The following SYT1 variants were observed in gnomAD, a reference collection of about 807,000 sequenced individuals.
The protein encoded by SYT1 is synaptotagmin-1.
In SYT1, 8 loss-of-function variants were observed where a neutral mutation model predicts 44.8. That is an observed-to-expected ratio of 0.18 (90% confidence interval 0.10 to 0.32). The LOEUF is 0.32. SYT1 is among the 10% of genes least tolerant of loss of function. SYT1 has a pLI of 1.00. For synonymous variants in SYT1, 154 were observed against 188.8 expected, an observed-to-expected ratio of 0.82 and a Z score of 1.51; for missense variants, 286 against 509.3, an observed-to-expected ratio of 0.56 and a Z score of 4.22.
intron 1 of SYT1, among the ~76,000 whole-genome samples, chr12:78,899,537 G>A (rs1219045201): frequency 2.0e-5 from 3 of 151,896 alleles, no homozygotes; most frequent in Non-Finnish European, 2.9e-5. Flanking sequence ...AAGTGTGGGT[G>A]GAGAGAAATA....
chr12:79,193,750 A>T (rs1298092421), intron 3 of SYT1, among the ~76,000 whole-genome samples: 1 of 152,152 alleles, frequency 6.6e-6, no homozygotes, highest in Non-Finnish European at 1.5e-5. Flanking sequence ...AGCATGGCCA[A>T]AATATCTTTT....
chr12:79,051,891 T>G (rs1021835637), intron 3 of SYT1, among the ~76,000 whole-genome samples: 9 of 152,026 alleles, frequency 5.9e-5, no homozygotes, highest in Non-Finnish European at 1.0e-4. Context: ...GTCTATATCT[T>G]TGTTTTGGTA....
At chr12:79,037,592 G>A (rs904395057) in intron 2 of SYT1, among the ~76,000 whole-genome samples, 1 of 151,396 alleles carries the variant, frequency 6.6e-6, no homozygotes, top group Non-Finnish European at 1.5e-5. Context: ...CCTCTTACAT[G>A]GTTGTCAATG....
intron 3 of SYT1, among the ~76,000 whole-genome samples, chr12:79,170,884 G>T (rs1437472479): frequency 6.6e-6 from 1 of 151,536 alleles, no homozygotes; most frequent in African/African-American, 2.4e-5. Context: ...TATATGGCAG[G>T]GGTCCAGCTT....
At chr12:79,236,060 T>C (rs774882110) in intron 4 of SYT1, among the ~76,000 whole-genome samples, 6 of 152,208 alleles carry the variant, frequency 3.9e-5, no homozygotes, top group Non-Finnish European at 8.8e-5. Context: ...TTCTGTCCTC[T>C]CTCTACTCTC....
At chr12:79,295,555 A>G (rs1457854590) in intron 6 of SYT1, among the ~76,000 whole-genome samples, 2 of 152,202 alleles carry the variant, frequency 1.3e-5, no homozygotes, top group East Asian at 1.9e-4. Context: ...AAGGTCAAAT[A>G]TAATAGAAAC....
At chr12:79,076,393 C>T (rs1876650707) in intron 3 of SYT1, among the ~76,000 whole-genome samples, 1 of 152,030 alleles carries the variant, frequency 6.6e-6, no homozygotes, top group African/African-American at 2.4e-5. Flanking sequence ...GTGTTCTGAA[C>T]TCCATATTTA....
intron 3 of SYT1, among the ~76,000 whole-genome samples, chr12:79,119,365 C>T (rs924413666): frequency 6.6e-6 from 1 of 152,144 alleles, no homozygotes; most frequent in African/African-American, 2.4e-5. Context: ...CTAACAAGTC[C>T]CTCCTTGATC....
intron 1 of SYT1, among the ~76,000 whole-genome samples, chr12:78,920,038 A>C (rs982190484): frequency 6.6e-6 from 1 of 151,400 alleles, no homozygotes; most frequent in African/African-American, 2.4e-5. Context: ...TTTTTCAAAG[A>C]GCTATGGAAT....
chr12:79,034,771 A>G (rs1280249786), intron 2 of SYT1, among the ~76,000 whole-genome samples: 1 of 151,742 alleles, frequency 6.6e-6, no homozygotes, highest in Non-Finnish European at 1.5e-5. Flanking sequence ...ATACCTGTGA[A>G]CAAAGCTGTA....
intron 2 of SYT1, among the ~76,000 whole-genome samples, chr12:79,022,925 C>A (rs942125482): frequency 4.0e-5 from 6 of 151,704 alleles, no homozygotes; most frequent in Admixed American, 1.3e-4. Context: ...AGTTTTAGTG[C>A]TAGAAATAAC....
In SYT1 at chr12:79,046,011, C is replaced by T. The variant is rs111524113; in HGVS notation, c.-83-1286C>T. Among the ~76,000 whole-genome samples, 733 of 152,112 alleles carry T rather than the reference C, an allele frequency of 4.8e-3. 7 individuals carry two copies. Among genetic ancestry groups the T allele is most frequent in the African/African-American group, 0.017 (696 of 41,498 alleles). ...TTTGTTTTAATAAAAAAGAAGTGTC[C>T]GTATACTAAAACTATACAAAGCATA... On this transcript the variant is annotated intron_variant, in intron 2 of 10. Transcript: ENST00000261205.
chr12:79,037,875 T>C (rs1323882134), intron 2 of SYT1, among the ~76,000 whole-genome samples: 1 of 151,826 alleles, frequency 6.6e-6, no homozygotes, highest in Non-Finnish European at 1.5e-5. Flanking sequence ...CTTCTATAGC[T>C]GTAGACACAA....
chr12:79,105,847 T>C (rs1341879337), intron 3 of SYT1, among the ~76,000 whole-genome samples: 1 of 149,960 alleles, frequency 6.7e-6, no homozygotes, highest in Non-Finnish European at 1.5e-5. Context: ...GCCACTGCAC[T>C]CCAGCCTGGG....
At chr12:79,172,921 T>C (rs1230227789) in intron 3 of SYT1, among the ~76,000 whole-genome samples, 1 of 129,892 alleles carries the variant, frequency 7.7e-6, no homozygotes, top group African/African-American at 3.0e-5. Context: ...CATAAGTTTG[T>C]GTCAAGATAC....
At chr12:78,964,726 G>A (rs1592611081) in intron 1 of SYT1, among the ~76,000 whole-genome samples, 1 of 152,128 alleles carries the variant, frequency 6.6e-6, no homozygotes. Context: ...AACTGTCTCA[G>A]TCTCCTCTCA....
intron 3 of SYT1, among the ~76,000 whole-genome samples, chr12:79,180,483 T>G (rs1451873442): frequency 5.1e-5 from 1 of 19,496 alleles, no homozygotes; most frequent in Non-Finnish European, 1.1e-4. Context: ...TTTCTTTTTT[T>G]TTTTTAAAAA....
chr12:79,256,578 C>T, intron 4 of SYT1, among the ~76,000 whole-genome samples: 1 of 151,620 alleles, frequency 6.6e-6, no homozygotes, highest in Admixed American at 6.7e-5. Flanking sequence ...GTGATAGAAA[C>T]ATGTATTTTC....
intron 4 of SYT1, among the ~76,000 whole-genome samples, chr12:79,239,872 A>G (rs1054596398): frequency 6.6e-6 from 1 of 152,196 alleles, no homozygotes; most frequent in Non-Finnish European, 1.5e-5. Flanking sequence ...TGACTCTGCC[A>G]TATGCAGTTT....
Sources: gnomAD v4.1 joint callset for allele counts (sites outside exome capture counted in the v4.1 genomes callset) on GRCh38, gnomAD v4.1.1 for gene constraint, MANE v1.5 for transcripts, NCBI Gene and HGNC (gene_info 2026-07-23, HGNC 2026-07-21) for gene names.